The following CFH variants were observed in gnomAD, a reference collection of about 807,000 sequenced individuals.
CFH encodes H factor 1 (complement).
A neutral mutation model predicts 147.3 loss-of-function variants in CFH; 53 were observed. The observed-to-expected ratio is 0.36, with a 90% CI of 0.29 to 0.45. CFH has a LOEUF of 0.45. CFH is among the 20% of genes least tolerant of loss of function. The probability of loss-of-function intolerance (pLI) is 1.00; values close to 1 mark genes in which losing one functional copy is unlikely to be tolerated. For missense variants in CFH, 1,380 were observed against 1,498.0 expected, an observed-to-expected ratio of 0.92 and a Z score of 1.30; for synonymous variants, 536 against 489.4, an observed-to-expected ratio of 1.10 and a Z score of -1.26.
At chr1:196,746,063 T>G in intron 21 of CFH, 64 bp downstream of exon 21, 2 of 1,610,294 alleles carry the variant, frequency 1.2e-6, no homozygotes, top group Non-Finnish European at 1.7e-6. Context: ...TTTCACTGTT[T>G]GTAACAAAAT....
chr1:196,692,416 T>C, intron 9 of CFH: 1 of 818,520 alleles, frequency 1.2e-6, no homozygotes, highest in Non-Finnish European at 1.5e-6. Context: ...AGATATGCAA[T>C]TTCTCCTGAT....
chr1:196,702,523 GA>G (rs764708240), intron 9 of CFH, among the ~76,000 whole-genome samples: 5,818 of 74,144 alleles, frequency 0.078, 258 homozygotes, highest in African/African-American at 0.22. Context: ...GAACAGGATT[GA>G]AAAAAAAAAA....
chr1:196,714,444 A>G (rs1222614616), intron 10 of CFH, among the ~76,000 whole-genome samples: 11 of 150,858 alleles, frequency 7.3e-5, no homozygotes, highest in South Asian at 4.2e-4. Flanking sequence ...ATATTCCTAG[A>G]TGGTACCAAT....
intron 1 of CFH, among the ~76,000 whole-genome samples, chr1:196,670,006 C>T (rs1014248481): frequency 3.9e-5 from 6 of 152,170 alleles, no homozygotes; most frequent in African/African-American, 1.4e-4. Flanking sequence ...GAATGTGAGA[C>T]ATGGAATCAA....
intron 1 of CFH, among the ~76,000 whole-genome samples, chr1:196,663,576 G>A (rs1425906274): frequency 6.6e-6 from 1 of 151,818 alleles, no homozygotes; most frequent in African/African-American, 2.4e-5. Flanking sequence ...GAAGTTTATG[G>A]TAACTAGGTG....
chr1:196,732,332 T>C (rs1426851223), intron 15 of CFH, among the ~76,000 whole-genome samples: 1 of 152,024 alleles, frequency 6.6e-6, no homozygotes, highest in Non-Finnish European at 1.5e-5. Context: ...GTGATTTTTG[T>C]TTGGTATTTT....
At chr1:196,718,994 T>C (rs1408945715) in intron 11 of CFH, among the ~76,000 whole-genome samples, 1 of 152,074 alleles carries the variant, frequency 6.6e-6, no homozygotes, top group Non-Finnish European at 1.5e-5. Flanking sequence ...ATATTTCAAG[T>C]GTCCTAGGAG....
At chr1:196,679,589 A>G in intron 5 of CFH, 34 bp from the exon 6 acceptor site, 1 of 1,490,362 alleles carries the variant, frequency 6.7e-7, no homozygotes, top group Non-Finnish European at 9.3e-7. Context: ...TTAATTTGCA[A>G]TAAACATTTT....
rs1463001909 is a variant in CFH at position 196,713,724 on chromosome 1, T to G, written c.1337-11T>G. The G allele has an allele frequency of 6.5e-7, 1 of 1,530,780 alleles. No homozygotes were observed. The highest frequency in any genetic ancestry group is 1.7e-5 in the Admixed American group (1 of 59,082). 94.8% of individuals were successfully genotyped at this position (1,530,780 alleles called of 1,614,324 possible). A position where few individuals can be genotyped will look rare whatever the true frequency, so the allele number is the denominator to read the frequency against. On this transcript the variant is annotated splice_polypyrimidine_tract_variant and intron_variant, in intron 9 of 21. Coordinates refer to ENST00000367429, the MANE Select transcript of CFH (RefSeq NM_000186.4). ...ATATGCTTGTCTTTTTCTTATTCTCTTCCCTTTTAGAAACATGTTCCAAAT... is the reference window on the plus strand; with the variant it reads ...ATATGCTTGTCTTTTTCTTATTCTCGTCCCTTTTAGAAACATGTTCCAAAT...
intron 9 of CFH, among the ~76,000 whole-genome samples, chr1:196,704,572 C>T (rs1057110024): frequency 6.6e-5 from 10 of 152,172 alleles, no homozygotes; most frequent in African/African-American, 2.2e-4. Context: ...AAGGTTAGTC[C>T]GGAAACATGG....
At position 196,726,579 on chromosome 1, in the gene CFH, T is replaced by G; in HGVS notation, c.1983T>G (p.Pro661=). The G allele has an allele frequency of 6.2e-7, 1 of 1,612,938 alleles. No homozygotes were observed. Among genetic ancestry groups the G allele is most frequent in the Non-Finnish European group, 8.5e-7 (1 of 1,178,994 alleles). The change falls in exon 13 of 22, where the codon CCT becomes CCG. Residue 661 remains proline, a synonymous_variant. Transcript: ENST00000367429. ...HSEVVEYYCN[P]RFLMKGPNKI... Reference sequence around the variant, plus strand: ...AAGTGGTGGAATATTATTGCAATCCTAGATTTCTAATGAAGGGACCTAATA... The same window carrying G: ...AAGTGGTGGAATATTATTGCAATCCGAGATTTCTAATGAAGGGACCTAATA...
At chr1:196,662,810 G>C (rs964311980) in intron 1 of CFH, among the ~76,000 whole-genome samples, 9 of 152,072 alleles carry the variant, frequency 5.9e-5, no homozygotes, top group African/African-American at 2.2e-4. Context: ...GAGCCCAGGG[G>C]GTCAGGGTCG....
At chr1:196,676,271 T>C (rs1667450335) in intron 4 of CFH, among the ~76,000 whole-genome samples, 1 of 152,124 alleles carries the variant, frequency 6.6e-6, no homozygotes, top group African/African-American at 2.4e-5. Flanking sequence ...TGATCTGATA[T>C]AATAATTGAA....
At chr1:196,735,975 A>G (rs1381578095) in intron 15 of CFH, among the ~76,000 whole-genome samples, 1 of 152,054 alleles carries the variant, frequency 6.6e-6, no homozygotes, top group Non-Finnish European at 1.5e-5. Context: ...AGTAGAGCAT[A>G]CACTATGATA....
chr1:196,726,595 G>A lies in CFH; in HGVS notation c.1999G>A (p.Gly667Arg). 6.2e-7 allele frequency: 1 copy of A among 1,612,330 alleles called. No homozygotes were observed. The highest frequency in any genetic ancestry group is 8.5e-7 in the Non-Finnish European group (1 of 1,178,530). Residue 667 changes from glycine to arginine, a missense_variant, in exon 13 of 22, where the codon GGA becomes AGA. This residue lies in a region of CFH where 830 missense variants were observed against 821.4 expected (regional missense o/e 1.01). Coordinates refer to ENST00000367429, the MANE Select transcript of CFH (RefSeq NM_000186.4). Reference protein sequence around the residue: ...YYCNPRFLMKGPNKIQCVDGE... With the variant: ...YYCNPRFLMKRPNKIQCVDGE... ...TTGCAATCCTAGATTTCTAATGAAG[G>A]GACCTAATAAAATTCAATGTGTTGA... is the stretch of plus-strand genomic sequence containing the variant.
chr1:196,741,178 A>G (rs556077846), intron 18 of CFH: 68 of 260,252 alleles, frequency 2.6e-4, no homozygotes, highest in African/African-American at 1.3e-3. Context: ...CATTTGATAG[A>G]AGCAAAAAAT....
At chr1:196,692,555 T>G (rs1417232111) in intron 9 of CFH, among the ~76,000 whole-genome samples, 1 of 134,834 alleles carries the variant, frequency 7.4e-6, no homozygotes, top group East Asian at 3.1e-4. Flanking sequence ...TCTTTTTCTT[T>G]CTTTCTTCTT....
intron 1 of CFH, among the ~76,000 whole-genome samples, chr1:196,667,194 C>A (rs990424313): frequency 6.6e-6 from 1 of 151,978 alleles, no homozygotes; most frequent in Non-Finnish European, 1.5e-5. Context: ...GTAAAACAAC[C>A]AACTATTTTT....
At chr1:196,738,812 TC>T (rs1558183843) in intron 17 of CFH, among the ~76,000 whole-genome samples, 1 of 152,218 alleles carries the variant, frequency 6.6e-6, no homozygotes, top group East Asian at 1.9e-4. Flanking sequence ...AGGCAGTGCC[TC>T]AGTGGGGACT....
Sources: allele counts gnomAD v4.1 joint callset (sites outside exome capture counted in the v4.1 genomes callset), GRCh38; gene constraint gnomAD v4.1.1; regional missense constraint gnomAD v4.1.1; transcripts MANE v1.5; gene names NCBI Gene and HGNC (gene_info 2026-07-23, HGNC 2026-07-21).